The following TMEM232 variants were observed in gnomAD, a reference collection of about 807,000 sequenced individuals.
TMEM232 encodes transmembrane protein 232.
TMEM232 carries 80 observed loss-of-function variants against 78.8 expected under a neutral mutation model. The observed-to-expected ratio is 1.01, with a 90% CI of 0.85 to 1.22. The LOEUF (loss-of-function observed/expected upper bound fraction) is 1.22. TMEM232 is among the 50% of genes most tolerant of loss of function. The pLI, the probability that TMEM232 is intolerant of heterozygous loss-of-function variation, is 0.00. For missense variants in TMEM232, 881 were observed against 742.2 expected (o/e 1.19, Z -2.17); for synonymous variants, 297 against 254.3 (o/e 1.17, Z -1.60).
chr5:110,500,343 T>C (rs1285449644), intron 12 of TMEM232, among the ~76,000 whole-genome samples: 1 of 150,846 alleles, frequency 6.6e-6, no homozygotes, highest in Non-Finnish European at 1.5e-5. Flanking sequence ...TAATTTTTAA[T>C]TGAAATTTTA....
At chr5:110,696,453 G>C (rs1301689562) in intron 1 of TMEM232, among the ~76,000 whole-genome samples, 1 of 152,110 alleles carries the variant, frequency 6.6e-6, no homozygotes, top group African/African-American at 2.4e-5. Context: ...TTCAGGCCAG[G>C]GCAATTAGGC....
At chr5:110,738,166 A>T, upstream of TMEM232, 3 of 1,233,478 alleles carry the variant, frequency 2.4e-6, no homozygotes, top group Non-Finnish European at 3.1e-6. Context: ...GAGTTGAAGG[A>T]ACATAGGATG....
intron 12 of TMEM232, among the ~76,000 whole-genome samples, chr5:110,476,619 C>T (rs1763284697): frequency 6.6e-6 from 1 of 151,884 alleles, no homozygotes; most frequent in Non-Finnish European, 1.5e-5. Flanking sequence ...TGTAATGATT[C>T]TAGATCTTCT....
At chr5:110,463,678 A>C (rs1761773903) in intron 12 of TMEM232, among the ~76,000 whole-genome samples, 1 of 152,166 alleles carries the variant, frequency 6.6e-6, no homozygotes, top group Admixed American at 6.5e-5. Flanking sequence ...TAAAAACATG[A>C]GTCTTACTCC....
chr5:110,584,540 TA>T (rs1778584919), intron 10 of TMEM232, among the ~76,000 whole-genome samples: 1 of 152,106 alleles, frequency 6.6e-6, no homozygotes, highest in South Asian at 2.1e-4. Context: ...AACATTTCAG[TA>T]ATACAAGATG....
At chr5:110,487,769 T>G (rs1229455638) in intron 12 of TMEM232, among the ~76,000 whole-genome samples, 1 of 152,122 alleles carries the variant, frequency 6.6e-6, no homozygotes, top group Non-Finnish European at 1.5e-5. Flanking sequence ...TTTTCTTTTT[T>G]GGTTATTTCC....
At chr5:110,568,138 G>T (rs1264348768) in intron 11 of TMEM232, among the ~76,000 whole-genome samples, 1 of 151,810 alleles carries the variant, frequency 6.6e-6, no homozygotes, top group Non-Finnish European at 1.5e-5. Flanking sequence ...ATGTCTATCA[G>T]AATTTCCCAC....
intron 1 of TMEM232, among the ~76,000 whole-genome samples, chr5:110,703,601 G>A (rs1795644268): frequency 6.6e-6 from 1 of 152,026 alleles, no homozygotes; most frequent in South Asian, 2.1e-4. Flanking sequence ...TAGTTAAGAT[G>A]TGCATGTTTT....
At chr5:110,496,637 A>T (rs1413215593) in intron 12 of TMEM232, among the ~76,000 whole-genome samples, 2 of 152,028 alleles carry the variant, frequency 1.3e-5, no homozygotes, top group Non-Finnish European at 2.9e-5. Context: ...CGGTTCTTTC[A>T]TAACCAGGAT....
At chr5:110,568,715 A>G in intron 10 of TMEM232, 90 bp from the exon 11 acceptor site, 2 of 1,204,660 alleles carry the variant, frequency 1.7e-6, no homozygotes, top group South Asian at 1.6e-5. Context: ...CAATTTTACT[A>G]TAATTCATAA....
At chr5:110,514,669 AT>A (rs753780395) in intron 12 of TMEM232, among the ~76,000 whole-genome samples, 1 of 151,902 alleles carries the variant, frequency 6.6e-6, no homozygotes, top group Non-Finnish European at 1.5e-5. Context: ...GACTTTTTAC[AT>A]TTTTTTTCCT....
chr5:110,395,621 G>A (rs1486125229), intron 3 of TMEM232, among the ~76,000 whole-genome samples: 1 of 152,144 alleles, frequency 6.6e-6, no homozygotes, highest in East Asian at 1.9e-4. Flanking sequence ...TGATGCTGCT[G>A]TTGTAGTTGT....
At chr5:110,424,672 T>C in intron 13 of TMEM232, 151 bp downstream of exon 13, 2 of 642,434 alleles carry the variant, frequency 3.1e-6, no homozygotes, top group Non-Finnish European at 5.3e-6. Flanking sequence ...ACAGATAACA[T>C]AGTGAGATAT....
intron 12 of TMEM232, among the ~76,000 whole-genome samples, chr5:110,449,231 T>C (rs1023778062): frequency 6.6e-6 from 1 of 152,070 alleles, no homozygotes; most frequent in African/African-American, 2.4e-5. Context: ...ACATTCTTCA[T>C]TGACTTTTTA....
chr5:110,436,859 G>A (rs1758493573), intron 12 of TMEM232, among the ~76,000 whole-genome samples: 1 of 152,010 alleles, frequency 6.6e-6, no homozygotes, highest in South Asian at 2.1e-4. Context: ...CTATAGCTCT[G>A]TAGTATAATT....
At chr5:110,394,782 G>A (rs1205608257) in intron 3 of TMEM232, among the ~76,000 whole-genome samples, 1 of 152,022 alleles carries the variant, frequency 6.6e-6, no homozygotes, top group Non-Finnish European at 1.5e-5. Context: ...CATGTGTGCT[G>A]GTTTGCTAGA....
upstream of TMEM232, among the ~76,000 whole-genome samples, chr5:110,730,623 A>C (rs1798587768): frequency 6.6e-6 from 1 of 152,186 alleles, no homozygotes; most frequent in South Asian, 2.1e-4. Context: ...GGTGAAAGCA[A>C]GATAAAAATG....
At position 110,625,438 on chromosome 5, in the gene TMEM232, T is replaced by A. The variant is rs1289761636; in HGVS notation, c.602-5A>T. 6.7e-7 allele frequency: 1 copy of A among 1,502,374 alleles called. No individual in the cohort carries two copies. Among genetic ancestry groups the A allele is most frequent in the East Asian group, 2.5e-5 (1 of 39,620 alleles). 93.1% of individuals were successfully genotyped at this position (1,502,374 alleles called of 1,614,324 possible). The stretch of plus-strand genomic sequence containing the variant: ...ATGCTCCAGAGAAAGAAAGTGCTAT[T>A]GTAAGAAAAATCATCTGTGAGAAAT... On this transcript the variant is annotated splice_polypyrimidine_tract_variant and splice_region_variant and intron_variant, in intron 6 of 13. Transcript: ENST00000455884.
At chr5:110,717,445 T>G (rs1797127919) in intron 1 of TMEM232, among the ~76,000 whole-genome samples, 2 of 152,104 alleles carry the variant, frequency 1.3e-5, no homozygotes, top group African/African-American at 4.8e-5. Context: ...TATTAACTCA[T>G]TACTCAGTAA....
Sources: gnomAD v4.1 joint callset for allele counts (sites outside exome capture counted in the v4.1 genomes callset) on GRCh38, gnomAD v4.1.1 for gene constraint, MANE v1.5 for transcripts, NCBI Gene and HGNC (gene_info 2026-07-23, HGNC 2026-07-21) for gene names.